Variants in LTF observed in about 807,000 individuals in gnomAD.
The protein encoded by LTF is lactotransferrin.
A neutral mutation model predicts 87.2 loss-of-function variants in LTF; 91 were observed. The observed-to-expected ratio is 1.04, with a 90% CI of 0.88 to 1.24. LTF has a LOEUF of 1.24. LTF is among the 50% of genes most tolerant of loss of function. The pLI, the probability that LTF is intolerant of heterozygous loss-of-function variation, is 0.00. For synonymous variants in LTF, 378 were observed against 356.1 expected, an observed-to-expected ratio of 1.06 and a Z score of -0.69; for missense variants, 901 against 904.3, an observed-to-expected ratio of 1.00 and a Z score of 0.05.
intron 15 of LTF, among the ~76,000 whole-genome samples, chr3:46,438,738 T>G (rs184478562): frequency 5.9e-5 from 9 of 152,348 alleles, no homozygotes; most frequent in Non-Finnish European, 1.2e-4. Flanking sequence ...CTGAGTTGTT[T>G]TCTTCAAAAG....
intron 6 of LTF, among the ~76,000 whole-genome samples, chr3:46,452,990 T>C (rs542367346): frequency 6.6e-6 from 1 of 152,334 alleles, no homozygotes; most frequent in Admixed American, 6.5e-5. Context: ...GATTTGACCT[T>C]ATCAATATCA....
At chr3:46,464,931 T>C (rs1703177587), upstream of LTF, 1 of 1,541,032 alleles carries the variant, frequency 6.5e-7, no homozygotes, top group Admixed American at 1.7e-5. Flanking sequence ...CCTGCGCCCC[T>C]TTATTCAGGG....
At chr3:46,443,065 G>T (rs1414314293) in intron 13 of LTF, among the ~76,000 whole-genome samples, 1 of 152,234 alleles carries the variant, frequency 6.6e-6, no homozygotes, top group Non-Finnish European at 1.5e-5. Context: ...CATGACCTAG[G>T]TGAGAAGAAA....
At chr3:46,464,728 G>T (rs576766885) in intron 1 of LTF, 97 bp downstream of exon 1, 1 of 1,397,498 alleles carries the variant, frequency 7.2e-7, no homozygotes, top group Non-Finnish European at 1.0e-6. Flanking sequence ...CAGAGACCCC[G>T]CGCCCAGCCA....
At chr3:46,468,639 G>A (rs1703245762), upstream of LTF, among the ~76,000 whole-genome samples, 1 of 152,238 alleles carries the variant, frequency 6.6e-6, no homozygotes, top group Non-Finnish European at 1.5e-5. Context: ...CCCAAGAAGA[G>A]TGTTGGGAAG....
chr3:46,469,535 C>G (rs887238252), upstream of LTF: 3 of 152,288 alleles, frequency 2.0e-5, no homozygotes, highest in Non-Finnish European at 2.9e-5. Context: ...ACCCGGGACC[C>G]CATCCAGTGA....
At chr3:46,467,339 TG>T (rs1340975898), upstream of LTF, among the ~76,000 whole-genome samples, 1 of 152,050 alleles carries the variant, frequency 6.6e-6, no homozygotes, top group Non-Finnish European at 1.5e-5. Flanking sequence ...GTCACAGGAA[TG>T]CACTTCTATC....
upstream of LTF, among the ~76,000 whole-genome samples, chr3:46,465,711 AT>A (rs199969112): frequency 7.9e-3 from 1,197 of 152,162 alleles, 10 homozygotes; most frequent in Non-Finnish European, 0.011. Flanking sequence ...TAAATGTCAG[AT>A]TTTAAAATTC....
At chr3:46,455,734 G>A (rs1702911732) in intron 4 of LTF, 62 bp downstream of exon 4, 3 of 1,497,712 alleles carry the variant, frequency 2.0e-6, no homozygotes, top group East Asian at 4.6e-5. Context: ...TGTGTGGCCT[G>A]TGCTTACAAC....
chr3:46,459,510 C>G lies in LTF; in HGVS notation c.207+146G>C, dbSNP rs541888509. ...CTTCCTTTCTGCTCTGAAAATAGCACAGTTCCCTGTGAGAGAGGACGGCTC... is the reference window on the plus strand; with the variant it reads ...CTTCCTTTCTGCTCTGAAAATAGCAGAGTTCCCTGTGAGAGAGGACGGCTC... On this transcript the variant is annotated intron_variant, in intron 2 of 16. Transcript: ENST00000231751. 3.5e-4 allele frequency: 247 copies of G among 712,676 alleles called. 1 individual carries two copies. In the Middle Eastern group the frequency reaches 4.4e-3, roughly 13 times the overall value. 44.1% of individuals were successfully genotyped at this position (712,676 alleles called of 1,614,324 possible).
intron 12 of LTF, 27 bp from the exon 13 acceptor site, chr3:46,443,609 G>T (rs1575308043): frequency 1.2e-6 from 2 of 1,613,010 alleles, no homozygotes; most frequent in Non-Finnish European, 8.5e-7. Context: ...CGGGGAGTCA[G>T]CTCTTCAAAC....
intron 1 of LTF, among the ~76,000 whole-genome samples, chr3:46,472,762 T>C (rs1703310230): frequency 1.3e-5 from 2 of 152,112 alleles, no homozygotes; most frequent in South Asian, 4.1e-4. Context: ...GCAATGCCTC[T>C]GAACCAATAA....
At chr3:46,482,612 GA>G (rs869104778) in intron 1 of LTF, among the ~76,000 whole-genome samples, 3 of 31,782 alleles carry the variant, frequency 9.4e-5, no homozygotes, top group African/African-American at 3.7e-4. Flanking sequence ...AAAGAAAGAA[GA>G]AAGAAAGAAA....
chr3:46,436,179 G>A lies in LTF; in HGVS notation c.*16C>T, dbSNP rs767529262. ...GGCTGAGGCTTTCTTGGGGAGCTGG[G>A]CCATCTTCTTCGGTTTTACTTCCTG... On this transcript the variant is annotated 3_prime_UTR_variant, in exon 17 of 17. Transcript: ENST00000231751. The A allele has an allele frequency of 1.2e-6, 2 of 1,613,946 alleles. No individual in the cohort carries two copies. Among genetic ancestry groups the A allele is most frequent in the South Asian group, 1.1e-5 (1 of 91,078 alleles).
At chr3:46,475,546 A>G (rs1703350073) in intron 1 of LTF, among the ~76,000 whole-genome samples, 1 of 151,134 alleles carries the variant, frequency 6.6e-6, no homozygotes, top group African/African-American at 2.4e-5. Context: ...ACACACACAC[A>G]CACACACACA....
intron 8 of LTF, among the ~76,000 whole-genome samples, chr3:46,449,583 A>C (rs2269442): frequency 0.48 from 72,342 of 152,048 alleles, 20,159 homozygotes; most frequent in African/African-American, 0.77. Flanking sequence ...GGTCCTGGCT[A>C]TCTTTGTTCA....
chr3:46,456,023 A>G, intron 3 of LTF, 45 bp from the exon 4 acceptor site: 3 of 1,494,012 alleles, frequency 2.0e-6, no homozygotes, highest in Non-Finnish European at 2.7e-6. Context: ...CCTGGACAAG[A>G]GGGACAAAAA....
At chr3:46,455,751 A>G in intron 4 of LTF, 45 bp downstream of exon 4, 1 of 1,523,362 alleles carries the variant, frequency 6.6e-7, no homozygotes, top group South Asian at 1.3e-5. Context: ...CAACTGGAAT[A>G]GAGCCCCCTG....
rs1213529207 is a variant in LTF, at chr3:46,482,640, GA to G, written c.-320+2345del. On this transcript the variant is annotated intron_variant, in intron 1 of 19. Coordinates refer to the LTF transcript ENST00000443496. ...AGAAAGAAAGAAAGAAAGAAAGAAA[GA>G]AAGAAAGAAAGAAAGAAAGAAGGAA... Among the ~76,000 whole-genome samples the G allele has an allele frequency of 4.1e-4, 38 of 91,802 alleles. 1 individual carries two copies. Among genetic ancestry groups the G allele is most frequent in the South Asian group, 1.3e-3 (3 of 2,316 alleles). 60.2% of individuals were successfully genotyped at this position (91,802 alleles called of 152,430 possible).
Sources: allele counts gnomAD v4.1 joint callset (sites outside exome capture counted in the v4.1 genomes callset), GRCh38; gene constraint gnomAD v4.1.1; transcripts MANE v1.5; gene names NCBI Gene and HGNC (gene_info 2026-07-23, HGNC 2026-07-21).